RBMS3: variants seen among roughly 807,000 people sequenced by gnomAD.
RBMS3 encodes RNA binding motif single stranded interacting protein 3.
RBMS3 carries 27 observed loss-of-function variants against 66.8 expected under a neutral mutation model. That is an observed-to-expected ratio of 0.40 (90% CI 0.30 to 0.56). RBMS3 has a LOEUF of 0.56. Ranked by LOEUF, RBMS3 falls within the 20% of genes least tolerant of loss-of-function variation. The pLI, the probability that RBMS3 is intolerant of heterozygous loss-of-function variation, is 0.40. For synonymous variants in RBMS3, 188 were observed against 183.0 expected, an observed-to-expected ratio of 1.03 and a Z score of -0.22; for missense variants, 513 against 549.5, an observed-to-expected ratio of 0.93 and a Z score of 0.66.
chr3:29,484,569 T>G (rs1227814631), intron 2 of RBMS3, among the ~76,000 whole-genome samples: 1 of 152,204 alleles, frequency 6.6e-6, no homozygotes, highest in African/African-American at 2.4e-5. Context: ...TTTTAACATA[T>G]TAATTTTGAG....
At chr3:29,389,501 T>A (rs1228472431) in intron 1 of RBMS3, among the ~76,000 whole-genome samples, 1 of 152,176 alleles carries the variant, frequency 6.6e-6, no homozygotes, top group Non-Finnish European at 1.5e-5. Context: ...AATTTTTATG[T>A]GAACTGGGCA....
intron 4 of RBMS3, among the ~76,000 whole-genome samples, chr3:29,642,123 C>T (rs1388232637): frequency 6.6e-6 from 1 of 152,064 alleles, no homozygotes; most frequent in African/African-American, 2.4e-5. Flanking sequence ...TTACAACTTT[C>T]TGCGATCAGA....
intron 3 of RBMS3, among the ~76,000 whole-genome samples, chr3:29,542,516 A>G (rs1373298959): frequency 1.3e-5 from 2 of 152,140 alleles, no homozygotes; most frequent in Non-Finnish European, 2.9e-5. Flanking sequence ...ACTTGCCGTC[A>G]CACCTGGCTA....
At chr3:29,831,317 G>C (rs905249720) in intron 6 of RBMS3, among the ~76,000 whole-genome samples, 2 of 152,116 alleles carry the variant, frequency 1.3e-5, no homozygotes, top group African/African-American at 4.8e-5. Flanking sequence ...TTACAGCCCT[G>C]CTTTTCTTTT....
intron 6 of RBMS3, among the ~76,000 whole-genome samples, chr3:29,862,631 G>A (rs770595478): frequency 6.6e-6 from 1 of 151,992 alleles, no homozygotes; most frequent in South Asian, 2.1e-4. Flanking sequence ...ATGTGTGGTG[G>A]GGGCAGTTCG....
In RBMS3 at chr3:29,862,814, G is replaced by T. The variant is rs192992222; in HGVS notation, c.638-6044G>T. On this transcript the variant is annotated intron_variant, in intron 6 of 14. Transcript: ENST00000383767. The stretch of plus-strand genomic sequence containing the variant: ...AGCTGAGATCCAAGATCAAGCCACT[G>T]CACTCCAGCCTGGGAGACAGAGCAA... Among the ~76,000 whole-genome samples the T allele has an allele frequency of 1.4e-4, 21 of 149,806 alleles. No individual in the cohort carries two copies. The East Asian group carries it at 3.8e-3, about 27-fold the overall frequency.
chr3:29,912,233 C>T (rs553883436), intron 10 of RBMS3, among the ~76,000 whole-genome samples: 1 of 151,912 alleles, frequency 6.6e-6, no homozygotes, highest in African/African-American at 2.4e-5. Context: ...CTATTTTGTT[C>T]TAAATAAATA....
At chr3:29,968,619 C>T (rs1041075508) in intron 12 of RBMS3, among the ~76,000 whole-genome samples, 3 of 152,228 alleles carry the variant, frequency 2.0e-5, no homozygotes, top group African/African-American at 7.2e-5. Flanking sequence ...AGACCTTCAG[C>T]TTCTCCAGTG....
At chr3:29,637,334 A>T (rs1472291243) in intron 4 of RBMS3, among the ~76,000 whole-genome samples, 5 of 151,792 alleles carry the variant, frequency 3.3e-5, no homozygotes, top group Non-Finnish European at 7.4e-5. Flanking sequence ...ACCTTAGTTG[A>T]TATGCTCTAC....
chr3:29,435,173 A>G (rs1378191014), intron 2 of RBMS3, among the ~76,000 whole-genome samples: 1 of 152,250 alleles, frequency 6.6e-6, no homozygotes, highest in African/African-American at 2.4e-5. Context: ...ATGACCTGCA[A>G]GATGAAGATC....
intron 10 of RBMS3, among the ~76,000 whole-genome samples, chr3:29,934,952 A>T (rs2061227964): frequency 6.6e-6 from 1 of 152,130 alleles, no homozygotes; most frequent in Non-Finnish European, 1.5e-5. Context: ...GGGTGCCGAG[A>T]TCTGGCCATC....
intron 2 of RBMS3, among the ~76,000 whole-genome samples, chr3:29,465,654 T>C (rs895689679): frequency 6.6e-6 from 1 of 152,066 alleles, no homozygotes; most frequent in East Asian, 1.9e-4. Flanking sequence ...ATACTTTCAG[T>C]TGCAATACTT....
chr3:29,401,920 A>T (rs1351906207), intron 1 of RBMS3, among the ~76,000 whole-genome samples: 1 of 152,044 alleles, frequency 6.6e-6, no homozygotes, highest in Non-Finnish European at 1.5e-5. Flanking sequence ...GCCTCAAATT[A>T]GAGAAAGACA....
At chr3:29,822,801 A>G (rs556660038) in intron 6 of RBMS3, among the ~76,000 whole-genome samples, 40 of 152,132 alleles carry the variant, frequency 2.6e-4, no homozygotes, top group Non-Finnish European at 4.6e-4. Context: ...TCTACCTATG[A>G]TGGTGTCATG....
At chr3:29,551,780 T>C (rs2046187908) in intron 3 of RBMS3, among the ~76,000 whole-genome samples, 1 of 152,166 alleles carries the variant, frequency 6.6e-6, no homozygotes, top group Non-Finnish European at 1.5e-5. Context: ...AAACATTCAG[T>C]GTACCAACAT....
rs745921765 is a variant in RBMS3 at position 29,281,114 on chromosome 3, G to GCTT, written c.-568_-567insCTT. On this transcript the variant is annotated 5_prime_UTR_variant, in exon 1 of 15. Coordinates refer to ENST00000383767, the MANE Select transcript of RBMS3 (RefSeq NM_001003793.3). ...GACAGCAGCAACTAAGCTGTACAAG[G>GCTT]TTTTTTTTTTTTTTTTTTCTTCCTT... The GCTT allele has an allele frequency of 2.0e-5, 2 of 100,444 alleles. No homozygotes were observed. The highest frequency in any genetic ancestry group is 3.9e-5 in the Non-Finnish European group (2 of 51,738). The allele number at this position is 100,444 out of a possible 1,614,324, so 6.2% of individuals were successfully genotyped here.
At chr3:29,507,391 G>A (rs1350167304) in intron 3 of RBMS3, among the ~76,000 whole-genome samples, 1 of 151,920 alleles carries the variant, frequency 6.6e-6, no homozygotes, top group African/African-American at 2.4e-5. Flanking sequence ...AATAGAAATG[G>A]CTAAACTCTG....
chr3:29,315,568 A>G (rs149505069), intron 1 of RBMS3, among the ~76,000 whole-genome samples: 259 of 151,846 alleles, frequency 1.7e-3, no homozygotes, highest in African/African-American at 5.8e-3. Context: ...TTTTTATCAT[A>G]TTACGGGCAT....
rs774282153 is a variant in RBMS3, at chr3:29,988,168, A to C, written c.1124A>C (p.Gln375Pro). The stretch of plus-strand genomic sequence containing the variant: ...TATATGACTGCTGCTGCTCCTATGC[A>C]AGGGACCTACATTCCTCAGTACACG... ...CQYMTAAAPM[Q>P]GTYIPQYTPV... Residue 375 changes from glutamine (Q) to proline (P), a missense_variant, in exon 13 of 15, where the codon CAA becomes CCA. Transcript: ENST00000383767. 6 of 1,613,286 alleles carry C rather than the reference A, an allele frequency of 3.7e-6. No individual in the cohort carries two copies. Among genetic ancestry groups the C allele is most frequent in the Non-Finnish European group, 5.1e-6 (6 of 1,179,364 alleles).
Sources: allele counts gnomAD v4.1 joint callset (sites outside exome capture counted in the v4.1 genomes callset), GRCh38; gene constraint gnomAD v4.1.1; transcripts MANE v1.5; gene names NCBI Gene and HGNC (gene_info 2026-07-23, HGNC 2026-07-21).